Variants in ABR observed in about 807,000 individuals in gnomAD.
ABR encodes the protein active breakpoint cluster region-related protein.
Under a neutral mutation model 107.2 loss-of-function variants are expected in ABR, and 35 were observed. The observed-to-expected ratio is 0.33, with a 90% CI of 0.25 to 0.43. ABR has a LOEUF of 0.43. Ranked by LOEUF, ABR falls within the 20% of genes least tolerant of loss-of-function variation. The pLI is 1.00. For missense variants in ABR, 815 were observed against 1,115.2 expected (o/e 0.73, Z 3.83); for synonymous variants, 498 against 462.0 (o/e 1.08, Z -1.00).
intron 1 of ABR, among the ~76,000 whole-genome samples, chr17:1,132,240 CAT>C (rs924131992): frequency 3.8e-4 from 58 of 152,012 alleles, no homozygotes; most frequent in Admixed American, 1.2e-3. Context: ...CACACATACA[CAT>C]ATATATATAC....
intron 1 of ABR, among the ~76,000 whole-genome samples, chr17:1,206,978 G>A (rs930347347): frequency 1.3e-5 from 2 of 152,116 alleles, no homozygotes; most frequent in African/African-American, 2.4e-5. Flanking sequence ...CCAGCTACTC[G>A]GGAGCTGAGG....
In ABR at chr17:1,200,390, A is replaced by T. The variant is rs1388060165; in HGVS notation, c.838+28403T>A. 6.6e-6 allele frequency among the ~76,000 whole-genome samples: 1 copy of T among 152,056 alleles called. No homozygotes were observed. The highest frequency in any genetic ancestry group is 2.4e-5 in the African/African-American group (1 of 41,402). ...TGTCTCCATTAAAAAAAATTTTTTT[A>T]AATAAAGTCTATGGGAGACGTGATT... On this transcript the variant is annotated intron_variant, in intron 1 of 22. Transcript: ENST00000574139. The surrounding 1 kb of genome is among the most constrained non-coding windows in gnomAD (Gnocchi z 4.1).
At chr17:1,120,574 C>T (rs35883991) in intron 2 of ABR, among the ~76,000 whole-genome samples, 9,697 of 152,268 alleles carry the variant, frequency 0.064, 410 homozygotes, top group Middle Eastern at 0.14. Flanking sequence ...CCACCGCACC[C>T]GGCCAATGGT....
At chr17:1,108,620 C>A (rs577581670) in intron 2 of ABR, among the ~76,000 whole-genome samples, 153 of 152,396 alleles carry the variant, frequency 1.0e-3, no homozygotes, top group African/African-American at 3.4e-3. Flanking sequence ...GCCGTGGAAA[C>A]GGGGGATTCC....
At chr17:1,126,840 C>T (rs1269290135) in intron 1 of ABR, among the ~76,000 whole-genome samples, 1 of 152,208 alleles carries the variant, frequency 6.6e-6, no homozygotes, top group Non-Finnish European at 1.5e-5. Flanking sequence ...CCCACAACCC[C>T]ACCTGTGGCA....
chr17:1,034,310 G>A (rs372721668), intron 16 of ABR, among the ~76,000 whole-genome samples: 134 of 152,240 alleles, frequency 8.8e-4, no homozygotes, highest in African/African-American at 3.1e-3. Context: ...CCGACCCTGG[G>A]GTGGGGGTTA....
chr17:1,199,472 C>T (rs1211833431), intron 1 of ABR, among the ~76,000 whole-genome samples: 2 of 137,096 alleles, frequency 1.5e-5, no homozygotes, highest in African/African-American at 2.8e-5. Flanking sequence ...AATCACAGCT[C>T]ACTGTAGCTG....
chr17:1,010,530 C>T lies in ABR; in HGVS notation c.2236+199G>A, dbSNP rs560134483. ...GGGGACATCAGGGGCAAGAGGCAGG[C>T]GAGAAAGGGCCCAGTGTCTGCACCA... On this transcript the variant is annotated intron_variant, in intron 20 of 22. Transcript: ENST00000302538. The surrounding 1 kb of genome is among the most constrained non-coding windows in gnomAD (Gnocchi z 4.1). The T allele has an allele frequency of 2.2e-4, 144 of 661,240 alleles. No homozygotes were observed. Among genetic ancestry groups the T allele is most frequent in the South Asian group, 1.8e-4 (9 of 50,500 alleles). 41.0% of individuals were successfully genotyped at this position (661,240 alleles called of 1,614,324 possible).
rs1054494530 is a variant in ABR at position 1,157,038 on chromosome 17, A to G, written c.61+22629T>C. On this transcript the variant is annotated intron_variant, in intron 1 of 22. Coordinates refer to ENST00000302538, the MANE Select transcript of ABR (RefSeq NM_021962.5). This position sits in a 1 kb window ranked among gnomAD's most constrained non-coding sequence, Gnocchi z 4.7. ...TAACAACAGTCCACACACACATACG[A>G]TAAGTTAACTCACCGCAGCCTCACA... is the stretch of plus-strand genomic sequence containing the variant. Among the ~76,000 whole-genome samples the G allele has an allele frequency of 3.3e-5, 5 of 152,198 alleles. No individual in the cohort carries two copies. The highest frequency in any genetic ancestry group is 7.3e-5 in the Non-Finnish European group (5 of 68,038).
chr17:1,084,074 C>T lies in ABR; in HGVS notation c.532-447G>A, dbSNP rs1184540620. The stretch of plus-strand genomic sequence containing the variant: ...TGGCCTGCTCAGGCCTCCCTCCCCA[C>T]GTGCAGCGTGGGGAACGACATTTAA... On this transcript the variant is annotated intron_variant, in intron 4 of 22. Coordinates refer to ENST00000302538, the MANE Select transcript of ABR (RefSeq NM_021962.5). The surrounding 1 kb of genome is among the most constrained non-coding windows in gnomAD (Gnocchi z 4.2). Among the ~76,000 whole-genome samples, 2 of 152,296 alleles carry T rather than the reference C, an allele frequency of 1.3e-5. No homozygotes were observed. The highest frequency in any genetic ancestry group is 2.4e-5 in the African/African-American group (1 of 41,582).
exon 1 of ABR, among the ~76,000 whole-genome samples, chr17:1,229,660 C>T (rs1162899379): frequency 6.6e-6 from 1 of 152,046 alleles, no homozygotes; most frequent in African/African-American, 2.4e-5. Context: ...CCGACCCTTC[C>T]CCGCGGCCCC....
At chr17:1,031,627 G>GGC (rs2072773131) in intron 16 of ABR, 1 of 1,244,064 alleles carries the variant, frequency 8.0e-7, no homozygotes, top group South Asian at 3.1e-5. Context: ...TTGCGCACGC[G>GGC]GCCCCAGAGC....
At chr17:1,123,782 C>A (rs1488543168) in intron 2 of ABR, among the ~76,000 whole-genome samples, 1 of 152,126 alleles carries the variant, frequency 6.6e-6, no homozygotes, top group African/African-American at 2.4e-5. Flanking sequence ...CCCTGGTTGG[C>A]CCCCGTTCAG....
At chr17:1,100,763 G>T in intron 2 of ABR, 28 bp from the exon 3 acceptor site, 4 of 1,610,742 alleles carry the variant, frequency 2.5e-6, no homozygotes, top group Non-Finnish European at 3.4e-6. Context: ...ACAGCCAACA[G>T]CTCATGAGCA....
At chr17:1,038,390 C>T (rs2073360289) in intron 16 of ABR, among the ~76,000 whole-genome samples, 1 of 152,236 alleles carries the variant, frequency 6.6e-6, no homozygotes, top group Admixed American at 6.5e-5. Flanking sequence ...TTCTCTCCCT[C>T]CTTTGGGAAA....
upstream of ABR, chr17:1,187,468 C>T (rs1169672669): frequency 6.6e-6 from 1 of 152,370 alleles, no homozygotes; most frequent in Non-Finnish European, 1.5e-5. Context: ...GGACACAGGG[C>T]TGCAGGCTGC....
chr17:1,123,563 A>G (rs916932696), intron 2 of ABR, among the ~76,000 whole-genome samples: 1 of 152,232 alleles, frequency 6.6e-6, no homozygotes, highest in Non-Finnish European at 1.5e-5. Context: ...CGACAAGGAC[A>G]GGGCACAGGG....
chr17:1,078,850 G>A lies in ABR; in HGVS notation c.700+480C>T. The A allele has an allele frequency of 6.5e-7, 1 of 1,535,632 alleles. No homozygotes were observed. Among genetic ancestry groups the A allele is most frequent in the East Asian group, 2.4e-5 (1 of 40,906 alleles). ...TTACAGCAGAAGCGAATAATGAGGA[G>A]AATCTCCATGGCAGCCTCTGTCCCC... On this transcript the variant is annotated intron_variant, in intron 6 of 22. Transcript: ENST00000302538. This position sits in a 1 kb window ranked among gnomAD's most constrained non-coding sequence, Gnocchi z 7.5.
chr17:1,011,737 G>T lies in ABR; in HGVS notation c.2101+109C>A. On this transcript the variant is annotated intron_variant, in intron 19 of 22. Coordinates refer to ENST00000302538, the MANE Select transcript of ABR (RefSeq NM_021962.5). The surrounding 1 kb of genome is among the most constrained non-coding windows in gnomAD (Gnocchi z 4.8). ...CTTGCCACGGGGACTCTGAAGCAGA[G>T]CAAGCCTCCTCTCCAGGGAGGCTCC... is the stretch of plus-strand genomic sequence containing the variant. 7.2e-7 allele frequency: 1 copy of T among 1,380,210 alleles called. No individual in the cohort carries two copies. The highest frequency in any genetic ancestry group is 9.7e-7 in the Non-Finnish European group (1 of 1,036,064). 85.5% of individuals were successfully genotyped at this position (1,380,210 alleles called of 1,614,324 possible).
Sources: allele counts gnomAD v4.1 joint callset (sites outside exome capture counted in the v4.1 genomes callset), GRCh38; gene constraint gnomAD v4.1.1; non-coding constraint Gnocchi (gnomAD v3.1); transcripts MANE v1.5; gene names NCBI Gene and HGNC (gene_info 2026-07-23, HGNC 2026-07-21).